Variants in MAP3K5 observed in about 807,000 individuals in gnomAD.
MAP3K5 encodes mitogen-activated protein kinase kinase kinase 5, also known as ASK-1.
A neutral mutation model predicts 158.7 loss-of-function variants in MAP3K5; 56 were observed. The observed-to-expected ratio is 0.35, with a 90% confidence interval of 0.28 to 0.44. The LOEUF (loss-of-function observed/expected upper bound fraction) is 0.44, where lower values mean the gene tolerates loss of function less well. Ranked by LOEUF, MAP3K5 falls within the 20% of genes least tolerant of loss-of-function variation. The pLI is 1.00. For synonymous variants in MAP3K5, 579 were observed against 601.7 expected (o/e 0.96, Z 0.55); for missense variants, 1,294 against 1,674.8 (o/e 0.77, Z 3.97).
At chr6:136,722,526 T>G (rs947622518) in intron 1 of MAP3K5, among the ~76,000 whole-genome samples, 2 of 152,178 alleles carry the variant, frequency 1.3e-5, no homozygotes, top group Non-Finnish European at 2.9e-5. Flanking sequence ...CTCTCCATCT[T>G]GCTTCTAATA....
At chr6:136,608,394 T>C (rs1776191012) in intron 18 of MAP3K5, among the ~76,000 whole-genome samples, 1 of 151,912 alleles carries the variant, frequency 6.6e-6, no homozygotes, top group Admixed American at 6.6e-5. Context: ...AGGAGCACAG[T>C]TGGGGAAGCC....
At chr6:136,764,265 G>C (rs1221109609) in intron 1 of MAP3K5, among the ~76,000 whole-genome samples, 1 of 152,182 alleles carries the variant, frequency 6.6e-6, no homozygotes, top group East Asian at 1.9e-4. Flanking sequence ...AGTTGGTGCT[G>C]TAACTGCTTT....
At chr6:136,637,681 GA>G (rs1777709391) in intron 13 of MAP3K5, among the ~76,000 whole-genome samples, 1 of 150,332 alleles carries the variant, frequency 6.7e-6, no homozygotes, top group East Asian at 1.9e-4. Flanking sequence ...TTCTTCTAGA[GA>G]CCATTTCAGA....
chr6:136,588,721 C>T (rs73777937), intron 23 of MAP3K5, among the ~76,000 whole-genome samples: 4,125 of 152,286 alleles, frequency 0.027, 199 homozygotes, highest in African/African-American at 0.093. Context: ...CAACCCAGTC[C>T]TATTCTCAGT....
Position 136,677,131 on chromosome 6 carries a change from CA to C in MAP3K5, c.1254-7737del, listed in dbSNP as rs1418304421. On this transcript the variant is annotated intron_variant, in intron 7 of 29. Coordinates refer to ENST00000359015, the MANE Select transcript of MAP3K5 (RefSeq NM_005923.4). ...TAGATGTTAAAATAATGATGATATC[CA>C]TTTTTTTTTTTTTTTTTTTTTTTGA... Among the ~76,000 whole-genome samples the C allele has an allele frequency of 9.2e-5, 12 of 130,508 alleles. 1 individual carries two copies. The highest frequency in any genetic ancestry group is 2.3e-4 in the African/African-American group (7 of 30,132). The allele number at this position is 130,508 out of a possible 152,430, so 85.6% of individuals were successfully genotyped here. A position where few individuals can be genotyped will look rare whatever the true frequency, so the allele number is the denominator to read the frequency against.
At position 136,610,596 on chromosome 6, in the gene MAP3K5, AT is replaced by A. The variant is rs767533383; in HGVS notation, c.2521+685del. ...AGAGGTTGGGCCAAGGAAATGTTTA[AT>A]AAAAAAAAAAAAAAAAAAATCTTGC... is the stretch of plus-strand genomic sequence containing the variant. On this transcript the variant is annotated intron_variant, in intron 18 of 29. Coordinates refer to ENST00000359015, the MANE Select transcript of MAP3K5 (RefSeq NM_005923.4). Among the ~76,000 whole-genome samples, 6 of 149,098 alleles carry A rather than the reference AT, an allele frequency of 4.0e-5. No individual in the cohort carries two copies. In the South Asian group the frequency reaches 9.2e-4, roughly 23 times the overall value.
chr6:136,580,248 A>T, intron 25 of MAP3K5, 53 bp downstream of exon 25: 1 of 1,156,508 alleles, frequency 8.6e-7, no homozygotes, highest in Non-Finnish European at 1.3e-6. Flanking sequence ...GATGAACAGT[A>T]ATCTAAAATA....
chr6:136,740,805 C>T (rs1782676762), intron 1 of MAP3K5, among the ~76,000 whole-genome samples: 1 of 152,160 alleles, frequency 6.6e-6, no homozygotes, highest in Admixed American at 6.5e-5. Flanking sequence ...TGCCTGTCAT[C>T]ATAAATAAAC....
At chr6:136,765,452 G>A (rs1043203339) in intron 1 of MAP3K5, among the ~76,000 whole-genome samples, 1 of 151,568 alleles carries the variant, frequency 6.6e-6, no homozygotes, top group Non-Finnish European at 1.5e-5. Context: ...AAACACCACC[G>A]TGAGCAGCTA....
At chr6:136,764,406 A>AT (rs1440010390) in intron 1 of MAP3K5, among the ~76,000 whole-genome samples, 1 of 152,190 alleles carries the variant, frequency 6.6e-6, no homozygotes, top group African/African-American at 2.4e-5. Flanking sequence ...CACAGATACC[A>AT]TGAGAGAAGT....
At chr6:136,598,503 T>C (rs1015807833) in intron 21 of MAP3K5, among the ~76,000 whole-genome samples, 1 of 152,244 alleles carries the variant, frequency 6.6e-6, no homozygotes, top group African/African-American at 2.4e-5. Context: ...GCCTAGCACA[T>C]TTCCTGTGCA....
At chr6:136,636,776 CT>C (rs1414759456) in intron 14 of MAP3K5, 22 of 936,542 alleles carry the variant, frequency 2.3e-5, no homozygotes, top group Non-Finnish European at 2.7e-5. Flanking sequence ...GAACAAGTCT[CT>C]ATAAAAATAA....
chr6:136,606,494 T>C (rs1776107338), intron 18 of MAP3K5, among the ~76,000 whole-genome samples: 1 of 152,202 alleles, frequency 6.6e-6, no homozygotes, highest in Admixed American at 6.5e-5. Context: ...TGGCCTAGTA[T>C]ACCCCAGGTA....
intron 8 of MAP3K5, among the ~76,000 whole-genome samples, chr6:136,660,507 A>G (rs1778960403): frequency 6.6e-6 from 1 of 152,098 alleles, no homozygotes; most frequent in African/African-American, 2.4e-5. Flanking sequence ...TAATGTAGAT[A>G]CTCCAACTTT....
chr6:136,746,653 GA>G (rs1160146993), intron 1 of MAP3K5, among the ~76,000 whole-genome samples: 1 of 151,468 alleles, frequency 6.6e-6, no homozygotes, highest in Non-Finnish European at 1.5e-5. Context: ...TTTAACAGGG[GA>G]AAAAAAACAA....
chr6:136,594,145 T>C (rs1775517984), intron 21 of MAP3K5, among the ~76,000 whole-genome samples: 1 of 152,206 alleles, frequency 6.6e-6, no homozygotes, highest in Non-Finnish European at 1.5e-5. Flanking sequence ...TAAGTACCAG[T>C]ATGCAAATGA....
At chr6:136,656,703 C>A (rs1778767171) in intron 9 of MAP3K5, among the ~76,000 whole-genome samples, 1 of 151,966 alleles carries the variant, frequency 6.6e-6, no homozygotes, top group South Asian at 2.1e-4. Context: ...CGGCTCACTG[C>A]AAGCTCCGCC....
At chr6:136,590,838 C>A (rs1420520475) in intron 23 of MAP3K5, among the ~76,000 whole-genome samples, 3 of 152,180 alleles carry the variant, frequency 2.0e-5, no homozygotes, top group East Asian at 1.9e-4. Flanking sequence ...TCACACCTGG[C>A]AAATTTGCAC....
chr6:136,676,547 G>A (rs1424492801), intron 7 of MAP3K5, among the ~76,000 whole-genome samples: 1 of 151,930 alleles, frequency 6.6e-6, no homozygotes, highest in Non-Finnish European at 1.5e-5. Context: ...TGTTGTTTAT[G>A]TAGATTTTAT....
Sources: allele counts gnomAD v4.1 joint callset (sites outside exome capture counted in the v4.1 genomes callset), GRCh38; gene constraint gnomAD v4.1.1; transcripts MANE v1.5; gene names NCBI Gene and HGNC (gene_info 2026-07-23, HGNC 2026-07-21).